ZNF543: variants seen among roughly 807,000 people sequenced by gnomAD.
ZNF543 encodes the protein zinc finger protein 543.
A neutral mutation model predicts 13.4 loss-of-function variants in ZNF543; 10 were observed. That is an observed-to-expected ratio of 0.75 (90% CI 0.46 to 1.26). The LOEUF (loss-of-function observed/expected upper bound fraction) is 1.26. Ranked by LOEUF, ZNF543 falls within the 50% of genes most tolerant of loss-of-function variation. The pLI is 0.00. For missense variants in ZNF543, 768 were observed against 741.2 expected, an observed-to-expected ratio of 1.04 and a Z score of -0.42; for synonymous variants, 272 against 264.7, an observed-to-expected ratio of 1.03 and a Z score of -0.27.
chr19:57,323,914 G>GGGTGCCACGCA, intron 2 of ZNF543, 106 bp downstream of exon 2: 1 of 1,426,364 alleles, frequency 7.0e-7, no homozygotes, highest in Non-Finnish European at 9.5e-7. Flanking sequence ...GCACCACGCA[G>GGGTGCCACGCA]GGGTGTTCAC....
rs2088142033 is a variant in ZNF543, at chr19:57,328,745, G to A, written c.1283G>A (p.Cys428Tyr). ...GAGAAGCCTTATGAATGCAGTGAAT[G>A]TGGAAAGGCCTTCACCCACTGCTCC... ...TGEKPYECSE[C>Y]GKAFTHCSTF... is the part of the protein sequence containing the mutation. The change falls in exon 4 of 4, where the codon TGT becomes TAT. Residue 428 changes from cysteine to tyrosine, a missense_variant. Around this residue, in one of 3 missense-constraint regions of ZNF543, gnomAD observed 677 missense variants for 631.4 expected, o/e 1.07. Coordinates refer to ENST00000321545, the MANE Select transcript of ZNF543 (RefSeq NM_213598.4). 1.2e-6 allele frequency: 2 copies of A among 1,614,088 alleles called. No individual in the cohort carries two copies. Among genetic ancestry groups the A allele is most frequent in the Non-Finnish European group, 1.7e-6 (2 of 1,180,014 alleles).
At chr19:57,323,484 G>A (rs1384451114) in intron 1 of ZNF543, 198 bp from the exon 2 acceptor site, 7 of 639,336 alleles carry the variant, frequency 1.1e-5, no homozygotes, top group Admixed American at 2.0e-5. Flanking sequence ...GAGCCACCGC[G>A]CCTGACCGAC....
chr19:57,321,894 TA>T (rs916990314), intron 1 of ZNF543, among the ~76,000 whole-genome samples: 4 of 150,068 alleles, frequency 2.7e-5, no homozygotes, highest in African/African-American at 7.5e-5. Flanking sequence ...CTGTGTGGAC[TA>T]AAAAAAAATG....
At chr19:57,323,581 T>G in intron 1 of ZNF543, 101 bp from the exon 2 acceptor site, 2 of 1,429,236 alleles carry the variant, frequency 1.4e-6, no homozygotes, top group Non-Finnish European at 2.0e-6. Flanking sequence ...GGTGATTTGA[T>G]TCTTGGGTCA....
intron 2 of ZNF543, among the ~76,000 whole-genome samples, chr19:57,324,150 G>C (rs2088106991): frequency 6.6e-6 from 1 of 152,132 alleles, no homozygotes; most frequent in South Asian, 2.1e-4. Flanking sequence ...AGGAGTTTGA[G>C]ACAAGCCTGG....
chr19:57,321,405 C>T (rs1293668202), intron 1 of ZNF543, among the ~76,000 whole-genome samples: 1 of 152,198 alleles, frequency 6.6e-6, no homozygotes, highest in East Asian at 1.9e-4. Context: ...TACGCACTTG[C>T]CCATTTTTGG....
chr19:57,325,548 C>G (rs1217983219), intron 2 of ZNF543, among the ~76,000 whole-genome samples: 2 of 152,038 alleles, frequency 1.3e-5, no homozygotes, highest in Non-Finnish European at 2.9e-5. Context: ...TTTCTTTGCT[C>G]CCACTTTCTT....
chr19:57,322,193 G>C (rs1267209334), intron 1 of ZNF543, among the ~76,000 whole-genome samples: 3 of 152,160 alleles, frequency 2.0e-5, no homozygotes, highest in East Asian at 3.9e-4. Flanking sequence ...GGTAGTGATA[G>C]CTCGTTGTGG....
In ZNF543 at chr19:57,328,874, G is replaced by A. The variant is rs1171510256; in HGVS notation, c.1412G>A (p.Ser471Asn). The A allele has an allele frequency of 6.2e-7, 1 of 1,612,708 alleles. No individual in the cohort carries two copies. Among genetic ancestry groups the A allele is most frequent in the Admixed American group, 1.7e-5 (1 of 59,874 alleles). ...AGGGCAGACCTCATTCGCCACTTCA[G>A]CATCCACACTGGAGAGAAACCCTAT... ...SDRADLIRHF[S>N]IHTGEKPYEC... Residue 471 changes from serine (S) to asparagine (N), a missense_variant, in exon 4 of 4, where the codon AGC becomes AAC. Coordinates refer to ENST00000321545, the MANE Select transcript of ZNF543 (RefSeq NM_213598.4).
chr19:57,327,469 T>G (rs1471944141), intron 3 of ZNF543, among the ~76,000 whole-genome samples: 1 of 148,122 alleles, frequency 6.8e-6, no homozygotes, highest in Non-Finnish European at 1.5e-5. Flanking sequence ...CTCAGCCTCC[T>G]GAGTAGCTGG....
chr19:57,328,000 G>T lies in ZNF543; in HGVS notation c.538G>T (p.Glu180Ter), dbSNP rs1370008469. 1 of 1,614,220 alleles carries T rather than the reference G, an allele frequency of 6.2e-7. No individual in the cohort carries two copies. The highest frequency in any genetic ancestry group is 8.5e-7 in the Non-Finnish European group (1 of 1,180,048). Residue 180 changes from glutamate (E) to a stop codon, truncating the protein, a stop_gained, in exon 4 of 4, where the codon GAA (glutamate) becomes TAA (stop). Transcript: ENST00000321545. LOFTEE classifies it low-confidence loss of function (END_TRUNC). The part of the protein sequence containing the change: ...KQVSTEGDLY[E>*]CDSHGPVTDA... ...AGTTTCAACAGAAGGTGATCTCTATGAATGTGATTCACATGGACCAGTTAC... is the reference window on the plus strand; with the variant it reads ...AGTTTCAACAGAAGGTGATCTCTATTAATGTGATTCACATGGACCAGTTAC...
chr19:57,324,837 A>G (rs761439061), intron 2 of ZNF543, among the ~76,000 whole-genome samples: 1 of 152,198 alleles, frequency 6.6e-6, no homozygotes, highest in African/African-American at 2.4e-5. Context: ...AGGTCAGTGA[A>G]GAAACTTACC....
Sources: gnomAD v4.1 joint callset for allele counts (sites outside exome capture counted in the v4.1 genomes callset) on GRCh38, gnomAD v4.1.1 for gene constraint, gnomAD v4.1.1 regional missense constraint, MANE v1.5 for transcripts, NCBI Gene and HGNC (gene_info 2026-07-23, HGNC 2026-07-21) for gene names.